Variants in WWP2 observed in about 807,000 individuals in gnomAD.
WWP2 encodes the protein NEDD4-like E3 ubiquitin-protein ligase WWP2.
Under a neutral mutation model 121.0 loss-of-function variants are expected in WWP2, and 57 were observed. The observed-to-expected ratio is 0.47, with a 90% CI of 0.38 to 0.59. The LOEUF (loss-of-function observed/expected upper bound fraction) is 0.59, where lower values mean the gene tolerates loss of function less well. WWP2 is among the 20% of genes least tolerant of loss of function. The pLI, the probability that WWP2 is intolerant of heterozygous loss-of-function variation, is 0.00. For missense variants in WWP2, 962 were observed against 1,158.9 expected (o/e 0.83, Z 2.47); for synonymous variants, 449 against 441.3 (o/e 1.02, Z -0.22).
intron 8 of WWP2, among the ~76,000 whole-genome samples, chr16:69,904,376 T>TC (rs1249267831): frequency 2.6e-5 from 4 of 151,142 alleles, no homozygotes; most frequent in African/African-American, 9.7e-5. Flanking sequence ...GTGCGCATTT[T>TC]CTTTTTTTTT....
chr16:69,787,133 G>T, intron 2 of WWP2, 53 bp downstream of exon 2: 2 of 1,529,978 alleles, frequency 1.3e-6, no homozygotes, highest in Non-Finnish European at 1.8e-6. Flanking sequence ...GGAAGAGGGA[G>T]AATCTAACCA....
chr16:69,925,099 G>C lies in WWP2; in HGVS notation c.1180-331G>C. On this transcript the variant is annotated intron_variant, in intron 10 of 23. Coordinates refer to ENST00000359154, the MANE Select transcript of WWP2 (RefSeq NM_001270454.2). The surrounding 1 kb of genome is among the most constrained non-coding windows in gnomAD (Gnocchi z 4.0). ...AGGCACTGGGCCGAGCCTGCTTCCCGGGCCTTCCTACCATGCCAGGGCTGC... is the reference window on the plus strand; with the variant it reads ...AGGCACTGGGCCGAGCCTGCTTCCCCGGCCTTCCTACCATGCCAGGGCTGC... 2 of 1,072,740 alleles carry C rather than the reference G, an allele frequency of 1.9e-6. No individual in the cohort carries two copies. Among genetic ancestry groups the C allele is most frequent in the Non-Finnish European group, 2.3e-6 (2 of 886,342 alleles). The allele number at this position is 1,072,740 out of a possible 1,614,324, so 66.5% of individuals were successfully genotyped here.
At chr16:69,894,463 C>G (rs1404840888) in intron 8 of WWP2, among the ~76,000 whole-genome samples, 1 of 152,192 alleles carries the variant, frequency 6.6e-6, no homozygotes, top group Non-Finnish European at 1.5e-5. Context: ...GAACTGAAGG[C>G]TGCTGAAACC....
chr16:69,785,720 G>A (rs1471830371), intron 1 of WWP2, among the ~76,000 whole-genome samples: 19 of 150,504 alleles, frequency 1.3e-4, no homozygotes, highest in Non-Finnish European at 3.0e-5. Flanking sequence ...TCCACTTCCC[G>A]AGTTCAAGCG....
intron 2 of WWP2, among the ~76,000 whole-genome samples, chr16:69,793,333 C>T (rs1567668421): frequency 6.6e-6 from 1 of 152,012 alleles, no homozygotes; most frequent in East Asian, 1.9e-4. Context: ...GCCTGGGTGA[C>T]AGAGCAAGAC....
intron 7 of WWP2, among the ~76,000 whole-genome samples, 161 bp downstream of exon 7, chr16:69,872,092 ATCT>A (rs1335797864): frequency 1.3e-5 from 2 of 152,216 alleles, no homozygotes; most frequent in Non-Finnish European, 1.5e-5. Flanking sequence ...CTACTGACCC[ATCT>A]TCTTCTCTCT....
At position 69,931,598 on chromosome 16, in the gene WWP2, GA is replaced by G; in HGVS notation, c.1593+21del. On this transcript the variant is annotated intron_variant, in intron 15 of 23. Coordinates refer to ENST00000359154, the MANE Select transcript of WWP2 (RefSeq NM_001270454.2). Reference sequence around the variant, plus strand: ...TCCAACAGGTTAGATCATGGTGCCCGAAACCAGTGGCAGGCCGACGCCCTCC... The same window carrying G: ...TCCAACAGGTTAGATCATGGTGCCCGAACCAGTGGCAGGCCGACGCCCTCC... 6.2e-7 allele frequency: 1 copy of G among 1,613,796 alleles called. No homozygotes were observed. The highest frequency in any genetic ancestry group is 1.1e-5 in the South Asian group (1 of 91,056).
chr16:69,897,214 C>T (rs922583801), intron 8 of WWP2, among the ~76,000 whole-genome samples: 7 of 151,960 alleles, frequency 4.6e-5, no homozygotes, highest in African/African-American at 1.2e-4. Flanking sequence ...GTGATCCTCT[C>T]GCTTCAGCCT....
At chr16:69,899,488 G>A (rs1430964789) in intron 8 of WWP2, among the ~76,000 whole-genome samples, 7 of 152,052 alleles carry the variant, frequency 4.6e-5, no homozygotes, top group South Asian at 2.1e-4. Context: ...CCAGCACTTC[G>A]CGAGGCCGAG....
chr16:69,835,804 A>ATTTT (rs34492692), intron 4 of WWP2, among the ~76,000 whole-genome samples: 1 of 142,458 alleles, frequency 7.0e-6, no homozygotes, highest in African/African-American at 2.6e-5. Flanking sequence ...ACCAAAGTAA[A>ATTTT]TTTTTTTTTT....
At chr16:69,928,034 GT>G (rs2058664430) in intron 11 of WWP2, among the ~76,000 whole-genome samples, 1 of 152,138 alleles carries the variant, frequency 6.6e-6, no homozygotes, top group East Asian at 1.9e-4. Context: ...ATGTCTGTTT[GT>G]AAAATTTCAG....
intron 4 of WWP2, among the ~76,000 whole-genome samples, chr16:69,829,502 G>A (rs2056758417): frequency 6.6e-6 from 1 of 152,094 alleles, no homozygotes; most frequent in African/African-American, 2.4e-5. Flanking sequence ...TTTCCTGAAT[G>A]CACCCAGCTC....
Position 69,776,468 on chromosome 16 carries a change from CAAAT to C in WWP2, c.-15-10527_-15-10524del, listed in dbSNP as rs1213997093. 3.3e-5 allele frequency among the ~76,000 whole-genome samples: 5 copies of C among 152,280 alleles called. No homozygotes were observed. In the East Asian group the frequency reaches 9.6e-4, roughly 29 times the overall value. ...TAATAGATGCTCAATAAATATTTGT[CAAAT>C]GAATGAATGCCTCTTATCTAAGCTC... On this transcript the variant is annotated intron_variant, in intron 1 of 23. Coordinates refer to ENST00000359154, the MANE Select transcript of WWP2 (RefSeq NM_001270454.2).
intron 9 of WWP2, among the ~76,000 whole-genome samples, chr16:69,910,969 T>G (rs950463161): frequency 1.3e-5 from 2 of 152,228 alleles, no homozygotes; most frequent in African/African-American, 2.4e-5. Context: ...GGTCAAGAAC[T>G]TTGAGCCTCT....
chr16:69,910,391 C>T (rs2058361453), intron 9 of WWP2: 1 of 980,480 alleles, frequency 1.0e-6, no homozygotes, highest in South Asian at 4.7e-5. Context: ...CACTTTAAAA[C>T]AGCAGGAGCT....
intron 4 of WWP2, among the ~76,000 whole-genome samples, chr16:69,826,560 A>G (rs1256516747): frequency 7.7e-6 from 1 of 129,740 alleles, no homozygotes; most frequent in African/African-American, 3.0e-5. Flanking sequence ...CAACAGAGTG[A>G]GACTCCGTCT....
intron 4 of WWP2, among the ~76,000 whole-genome samples, chr16:69,817,308 G>A (rs1471302049): frequency 6.6e-6 from 1 of 152,132 alleles, no homozygotes; most frequent in East Asian, 1.9e-4. Flanking sequence ...GAGTGCAGTG[G>A]TGCGATGTTG....
intron 10 of WWP2, among the ~76,000 whole-genome samples, chr16:69,922,226 C>G (rs2058574172): frequency 6.6e-6 from 1 of 151,502 alleles, no homozygotes; most frequent in African/African-American, 2.4e-5. Context: ...GGATTTTGTT[C>G]TGCATCCGTC....
chr16:69,928,637 G>A (rs183018781), intron 11 of WWP2, among the ~76,000 whole-genome samples: 5 of 152,282 alleles, frequency 3.3e-5, no homozygotes, highest in East Asian at 1.9e-4. Flanking sequence ...GGCCAGGCAC[G>A]GTGGCTTATT....
Sources: gnomAD v4.1 joint callset for allele counts (sites outside exome capture counted in the v4.1 genomes callset) on GRCh38, gnomAD v4.1.1 for gene constraint, Gnocchi (gnomAD v3.1) non-coding constraint, MANE v1.5 for transcripts, NCBI Gene and HGNC (gene_info 2026-07-23, HGNC 2026-07-21) for gene names.